The following SLC11A1 variants were observed in gnomAD, a reference collection of about 807,000 sequenced individuals.
SLC11A1 encodes solute carrier family 11 member 1.
SLC11A1 carries 59 observed loss-of-function variants against 63.2 expected under a neutral mutation model. The observed-to-expected ratio is 0.93, with a 90% CI of 0.76 to 1.16. The LOEUF is 1.16. SLC11A1 is among the 50% of genes most tolerant of loss of function. The pLI, the probability that SLC11A1 is intolerant of heterozygous loss-of-function variation, is 0.00. For synonymous variants in SLC11A1, 305 were observed against 307.8 expected (o/e 0.99, Z 0.09); for missense variants, 688 against 730.7 (o/e 0.94, Z 0.67).
At chr2:218,394,363 C>T in intron 13 of SLC11A1, 170 bp downstream of exon 13, 1 of 752,188 alleles carries the variant, frequency 1.3e-6, no homozygotes, top group Non-Finnish European at 2.2e-6. Context: ...GGAGCCAAGA[C>T]TGGAATCCAG....
intron 4 of SLC11A1, chr2:218,385,555 T>TCTAA (rs1574763723): frequency 2.3e-6 from 1 of 442,296 alleles, no homozygotes; most frequent in East Asian, 6.3e-5. Context: ...CATCATCGGC[T>TCTAA]AATTTTTGTA....
intron 4 of SLC11A1, 100 bp downstream of exon 4, chr2:218,385,366 G>A (rs1696034241): frequency 6.7e-7 from 1 of 1,494,880 alleles, no homozygotes; most frequent in African/African-American, 1.4e-5. Flanking sequence ...CTCACATGGG[G>A]CATCCCAAGT....
At position 218,386,685 on chromosome 2, in the gene SLC11A1, C is replaced by T. The variant is rs776019462; in HGVS notation, c.444C>T (p.Ser148=). 10 of 1,614,086 alleles carry T rather than the reference C, an allele frequency of 6.2e-6. No individual in the cohort carries two copies. The highest frequency in any genetic ancestry group is 3.3e-5 in the South Asian group (3 of 91,074). ...CCATCGAGCTAGCCATTGTGGGCTC[C>T]GACATGCAGGAAGTCATCGGCACGG... ...WLTIELAIVG[S]DMQEVIGTAI... is the part of the protein sequence containing the mutation. Residue 148 remains serine, a synonymous_variant, in exon 5 of 15, where the codon TCC becomes TCT. Transcript: ENST00000233202.
intron 9 of SLC11A1, among the ~76,000 whole-genome samples, chr2:218,390,733 G>A (rs916493544): frequency 2.0e-5 from 3 of 152,190 alleles, no homozygotes; most frequent in Non-Finnish European, 4.4e-5. Context: ...CCAGGCAGGC[G>A]CAGAGTTGTG....
intron 12 of SLC11A1, among the ~76,000 whole-genome samples, chr2:218,393,586 T>C (rs1038510238): frequency 6.6e-6 from 1 of 151,476 alleles, no homozygotes; most frequent in African/African-American, 2.4e-5. Flanking sequence ...AAGCGATTCT[T>C]CTGCCTCAGC....
rs762207067 is a variant in SLC11A1 at position 218,387,185 on chromosome 2, A to G, written c.526A>G (p.Ile176Val). 1.2e-6 allele frequency: 2 copies of G among 1,614,170 alleles called. No homozygotes were observed. The highest frequency in any genetic ancestry group is 1.7e-5 in the Admixed American group (1 of 60,024). Reference protein sequence around the residue: ...GRIPLWGGVLITIVDTFFFLF... With the variant: ...GRIPLWGGVLVTIVDTFFFLF... ...AATCCCACTCTGGGGTGGCGTCCTC[A>G]TCACCATCGTGGACACCTTCTTCTT... Residue 176 changes from isoleucine (I) to valine (V), a missense_variant, in exon 6 of 15, where the codon ATC (isoleucine) becomes GTC (valine). By Grantham distance (29) the Ile-to-Val change is conservative. Transcript: ENST00000233202.
chr2:218,391,819 C>T lies in SLC11A1; in HGVS notation c.1164+324C>T, dbSNP rs531596391. ...TGTACTTTTAGTAGAGACAGGGTTT[C>T]GCCATGTTGGCCAGGCTAGTCTTGA... On this transcript the variant is annotated intron_variant, in intron 11 of 14. Transcript: ENST00000233202. 1.3e-4 allele frequency: 40 copies of T among 299,472 alleles called. No individual in the cohort carries two copies. The East Asian group carries it at 3.1e-3, about 23-fold the overall frequency. 18.6% of individuals were successfully genotyped at this position (299,472 alleles called of 1,614,324 possible). A position where few individuals can be genotyped will look rare whatever the true frequency, so the allele number is the denominator to read the frequency against.
rs775224988 is a variant in SLC11A1 at position 218,394,755 on chromosome 2, C to G, written c.1512C>G (p.Ala504=). The G allele has an allele frequency of 6.2e-7, 1 of 1,613,366 alleles. No individual in the cohort carries two copies. Among genetic ancestry groups the G allele is most frequent in the Non-Finnish European group, 8.5e-7 (1 of 1,180,040 alleles). ...ACTTCGGCCTTGCAGCCTTGCTGGCCGCAGCCTACCTGGGCCTCAGCACCT... is the reference window on the plus strand; with the variant it reads ...ACTTCGGCCTTGCAGCCTTGCTGGCGGCAGCCTACCTGGGCCTCAGCACCT... The part of the protein sequence containing the change: ...PAYFGLAALL[A]AAYLGLSTYL... The change falls in exon 14 of 15, where the codon GCC becomes GCG. Residue 504 remains alanine (A), a synonymous_variant. Coordinates refer to ENST00000233202, the MANE Select transcript of SLC11A1 (RefSeq NM_000578.4).
At position 218,395,078 on chromosome 2, in the gene SLC11A1, C is replaced by A; in HGVS notation, c.*43C>A. ...GCTGGGAGTGGCATGTATGACGTGA[C>A]TGGCCTGCTGGATGTGGAGGGGGCG... On this transcript the variant is annotated 3_prime_UTR_variant, in exon 15 of 15. Coordinates refer to ENST00000233202, the MANE Select transcript of SLC11A1 (RefSeq NM_000578.4). The A allele has an allele frequency of 1.4e-6, 2 of 1,445,376 alleles. No individual in the cohort carries two copies. Among genetic ancestry groups the A allele is most frequent in the Non-Finnish European group, 1.9e-6 (2 of 1,054,242 alleles). 89.5% of individuals were successfully genotyped at this position (1,445,376 alleles called of 1,614,324 possible). A position where few individuals can be genotyped will look rare whatever the true frequency, so the allele number is the denominator to read the frequency against.
intron 7 of SLC11A1, 47 bp downstream of exon 7, chr2:218,387,679 T>C (rs1696179878): frequency 2.5e-6 from 4 of 1,612,488 alleles, no homozygotes; most frequent in East Asian, 2.2e-5. Context: ...CCAAGATCAT[T>C]CCTCTCCCTT....
chr2:218,387,634 T>C lies in SLC11A1; in HGVS notation c.639+2T>C, dbSNP rs1559119173. 6.2e-7 allele frequency: 1 copy of C among 1,614,010 alleles called. No individual in the cohort carries two copies. Among genetic ancestry groups the C allele is most frequent in the East Asian group, 2.2e-5 (1 of 44,872 alleles). On this transcript the variant is annotated splice_donor_variant, in intron 7 of 14. Transcript: ENST00000233202. LOFTEE classifies it high-confidence loss of function. Reference sequence around the variant, plus strand: ...ATGGCCTTGACCTTTGGCTATGAGGTAGGAAGCCAGTGCTGCAACCCCACT... The same window carrying C: ...ATGGCCTTGACCTTTGGCTATGAGGCAGGAAGCCAGTGCTGCAACCCCACT...
At position 218,396,822 on chromosome 2, in the gene SLC11A1, C is replaced by G. The variant is rs1277514793; in HGVS notation, c.*1787C>G. The G allele has an allele frequency of 6.6e-6, 1 of 152,598 alleles. No homozygotes were observed. Among genetic ancestry groups the G allele is most frequent in the Non-Finnish European group, 1.5e-5 (1 of 68,246 alleles). 9.5% of individuals were successfully genotyped at this position (152,598 alleles called of 1,614,324 possible). ...ACCCCTCTTGGCATTGAGTGCCAGT[C>G]CTCTGCCAGGCTCTGTGTTACAAGT... On this transcript the variant is annotated 3_prime_UTR_variant, in exon 15 of 15. Coordinates refer to ENST00000233202, the MANE Select transcript of SLC11A1 (RefSeq NM_000578.4).
chr2:218,394,948 C>A lies in SLC11A1; in HGVS notation c.1566C>A (p.His522Gln), dbSNP rs144481462. The part of the protein sequence containing the change: ...TYLVWTCCLA[H>Q]GATFLAHSSH... ...AGGTCTGGACCTGTTGCCTTGCCCA[C>A]GGAGCCACCTTTCTGGCCCACAGCT... The change falls in exon 15 of 15, where the codon CAC becomes CAA. Residue 522 changes from histidine (H) to glutamine (Q), a missense_variant. Transcript: ENST00000233202. 6.2e-7 allele frequency: 1 copy of A among 1,613,224 alleles called. No homozygotes were observed. The highest frequency in any genetic ancestry group is 2.2e-5 in the East Asian group (1 of 44,882).
Position 218,391,496 on chromosome 2 carries a change from G to T in SLC11A1, c.1164+1G>T, listed in dbSNP as rs1480492293. On this transcript the variant is annotated splice_donor_variant, in intron 11 of 14. Coordinates refer to ENST00000233202, the MANE Select transcript of SLC11A1 (RefSeq NM_000578.4). LOFTEE classifies it high-confidence loss of function. ...CTACGCGGGACAGTTCGTGATGGAG[G>T]TAGGGCAGGGGGCGGGCCCAGGAGG... 3.2e-6 allele frequency: 5 copies of T among 1,586,138 alleles called. No individual in the cohort carries two copies. In the African/African-American group the frequency reaches 6.7e-5, roughly 21 times the overall value.
In SLC11A1 at chr2:218,391,498, A is replaced by G. The variant is rs932024685; in HGVS notation, c.1164+3A>G. ...ACGCGGGACAGTTCGTGATGGAGGT[A>G]GGGCAGGGGGCGGGCCCAGGAGGGC... On this transcript the variant is annotated splice_donor_region_variant and intron_variant, in intron 11 of 14. Transcript: ENST00000233202. 7 of 1,584,840 alleles carry G rather than the reference A, an allele frequency of 4.4e-6. 1 individual carries two copies. The South Asian group carries it at 8.0e-5, about 18-fold the overall frequency.
At chr2:218,391,548 A>C in intron 11 of SLC11A1, 53 bp downstream of exon 11, 1 of 1,517,484 alleles carries the variant, frequency 6.6e-7, no homozygotes, top group African/African-American at 1.4e-5. Context: ...CAGCAGGCAC[A>C]CTACTGGGGG....
chr2:218,382,898 G>A, intron 1 of SLC11A1, 62 bp from the exon 2 acceptor site: 1 of 1,607,796 alleles, frequency 6.2e-7, no homozygotes, highest in Non-Finnish European at 8.5e-7. Flanking sequence ...GGATCAGGCG[G>A]CTTTAACTCT....
rs1459434254 is a variant in SLC11A1 at position 218,384,596 on chromosome 2, T to G, written c.273+231T>G. On this transcript the variant is annotated intron_variant, in intron 3 of 14. Transcript: ENST00000233202. The surrounding 1 kb of genome is among the most constrained non-coding windows in gnomAD (Gnocchi z 4.0). ...AATATATATATGTATATTTATTTAT[T>G]TATTTATTTAATTTTATTTTTTGAG... is the stretch of plus-strand genomic sequence containing the variant. 1 of 168,974 alleles carries G rather than the reference T, an allele frequency of 5.9e-6. No homozygotes were observed. The highest frequency in any genetic ancestry group is 1.2e-5 in the Non-Finnish European group (1 of 80,540). 10.5% of individuals were successfully genotyped at this position (168,974 alleles called of 1,614,324 possible). A position where few individuals can be genotyped will look rare whatever the true frequency, so the allele number is the denominator to read the frequency against.
intron 13 of SLC11A1, 64 bp downstream of exon 13, chr2:218,394,257 A>C (rs934272092): frequency 7.3e-6 from 11 of 1,497,442 alleles, no homozygotes; most frequent in Non-Finnish European, 1.0e-5. Flanking sequence ...AGCCACCCAG[A>C]GGTACGAGCT....
Sources: gnomAD v4.1 joint callset for allele counts (sites outside exome capture counted in the v4.1 genomes callset) on GRCh38, gnomAD v4.1.1 for gene constraint, Gnocchi (gnomAD v3.1) non-coding constraint, MANE v1.5 for transcripts, NCBI Gene and HGNC (gene_info 2026-07-23, HGNC 2026-07-21) for gene names.